The following CREB5 variants were observed in gnomAD, a reference collection of about 807,000 sequenced individuals.
CREB5 encodes the protein cyclic AMP-responsive element-binding protein 5.
A neutral mutation model predicts 57.1 loss-of-function variants in CREB5; 19 were observed. The observed-to-expected ratio is 0.33, with a 90% CI of 0.23 to 0.49. The LOEUF (loss-of-function observed/expected upper bound fraction) is 0.49, where lower values mean the gene tolerates loss of function less well. Among genes scored for constraint, CREB5 ranks in the 20% least tolerant of loss-of-function variants. CREB5 has a pLI of 0.99. For synonymous variants in CREB5, 238 were observed against 238.3 expected (o/e 1.00, Z 0.01); for missense variants, 579 against 671.6 (o/e 0.86, Z 1.52).
chr7:28,661,466 A>G (rs1016354467), intron 5 of CREB5, among the ~76,000 whole-genome samples: 3 of 128,714 alleles, frequency 2.3e-5, no homozygotes, highest in Non-Finnish European at 4.8e-5. Flanking sequence ...GGCTCTATGT[A>G]CATGTCAAGG....
rs1427365659 is a variant in CREB5, at chr7:28,823,099, G to A, written c.*3820G>A. The A allele has an allele frequency of 6.6e-6, 1 of 152,612 alleles. No homozygotes were observed. Among genetic ancestry groups the A allele is most frequent in the Admixed American group, 6.5e-5 (1 of 15,276 alleles). 9.5% of individuals were successfully genotyped at this position (152,612 alleles called of 1,614,324 possible). A position where few individuals can be genotyped will look rare whatever the true frequency, so the allele number is the denominator to read the frequency against. Reference sequence around the variant, plus strand: ...TTAAGTAAACTTTAGTGTGTAAGTTGAGTTTGTCATTAAAATCATAAACCA... The same window carrying A: ...TTAAGTAAACTTTAGTGTGTAAGTTAAGTTTGTCATTAAAATCATAAACCA... On this transcript the variant is annotated 3_prime_UTR_variant, in exon 11 of 11. Coordinates refer to ENST00000357727, the MANE Select transcript of CREB5 (RefSeq NM_182898.4).
intron 1 of CREB5, among the ~76,000 whole-genome samples, chr7:28,375,662 G>T (rs968936480): frequency 2.6e-5 from 4 of 151,476 alleles, no homozygotes; most frequent in African/African-American, 9.7e-5. Context: ...GAGATGGGTT[G>T]TCCGTGCAGC....
chr7:28,804,687 A>T (rs1351739119), intron 8 of CREB5, among the ~76,000 whole-genome samples, 165 bp downstream of exon 8: 3 of 152,102 alleles, frequency 2.0e-5, no homozygotes, highest in African/African-American at 4.8e-5. Flanking sequence ...TACCCATAAG[A>T]CCCTACCAGA....
At chr7:28,331,444 A>T (rs889147280) in intron 1 of CREB5, among the ~76,000 whole-genome samples, 4 of 152,070 alleles carry the variant, frequency 2.6e-5, no homozygotes, top group East Asian at 1.9e-4. Context: ...TTTGCCCCTC[A>T]TGAACCAATT....
intron 7 of CREB5, among the ~76,000 whole-genome samples, chr7:28,757,608 G>A (rs893300658): frequency 2.0e-5 from 3 of 151,804 alleles, no homozygotes; most frequent in Middle Eastern, 3.4e-3. Context: ...AGGAGCCAGA[G>A]CTTGCAGTGA....
chr7:28,321,454 A>G (rs1169113913), intron 1 of CREB5, among the ~76,000 whole-genome samples: 8 of 152,106 alleles, frequency 5.3e-5, no homozygotes, highest in Non-Finnish European at 1.2e-4. Context: ...AATCTATCAC[A>G]GGGTTCTTTG....
chr7:28,708,005 A>G (rs1301950957), intron 5 of CREB5, among the ~76,000 whole-genome samples: 2 of 150,946 alleles, frequency 1.3e-5, no homozygotes, highest in Non-Finnish European at 3.0e-5. Context: ...AATTCTCCAC[A>G]CCTCCCCCTT....
intron 1 of CREB5, among the ~76,000 whole-genome samples, chr7:28,309,962 G>C (rs1320692831): frequency 9.8e-6 from 1 of 102,136 alleles, no homozygotes. Flanking sequence ...AGGGCTAAGT[G>C]GGGGGTCCAG....
chr7:28,496,313 G>A (rs184583858), intron 3 of CREB5, among the ~76,000 whole-genome samples: 1 of 152,242 alleles, frequency 6.6e-6, no homozygotes, highest in East Asian at 1.9e-4. Flanking sequence ...GCCAGGCCTG[G>A]CTCATGTAAT....
intron 1 of CREB5, among the ~76,000 whole-genome samples, chr7:28,371,166 G>A (rs986749302): frequency 6.6e-6 from 1 of 152,096 alleles, no homozygotes; most frequent in African/African-American, 2.4e-5. Flanking sequence ...AAAGAGACCG[G>A]GCAGCAGCAG....
upstream of CREB5, among the ~76,000 whole-genome samples, chr7:28,410,981 T>C (rs1273257472): frequency 1.3e-5 from 2 of 151,962 alleles, no homozygotes; most frequent in Non-Finnish European, 2.9e-5. Context: ...CGCCCCCGCC[T>C]TTTTACAGCT....
Position 28,601,169 on chromosome 7 carries a change from A to AT in CREB5, c.464+30643dup, listed in dbSNP as rs577879373. 8.2e-3 allele frequency among the ~76,000 whole-genome samples: 1,189 copies of AT among 144,864 alleles called. 13 individuals are homozygous for AT. The highest frequency in any genetic ancestry group is 0.032 in the Middle Eastern group (9 of 284). Reference sequence around the variant, plus strand: ...TTCCTTCATTTCCCTTATTATTATTATTTTTTTTTTTGGAAAGGGGGGCTC... The same window carrying AT: ...TTCCTTCATTTCCCTTATTATTATTATTTTTTTTTTTTGGAAAGGGGGGCTC... On this transcript the variant is annotated intron_variant, in intron 5 of 10. Transcript: ENST00000357727.
intron 5 of CREB5, among the ~76,000 whole-genome samples, chr7:28,623,694 CGTGGCTTAATGATAA>C (rs545413689): frequency 2.4e-3 from 365 of 152,184 alleles, no homozygotes; most frequent in African/African-American, 8.2e-3. Flanking sequence ...TTCCCCTGCC[CGTGGCTTAATGATAA>C]GTCTCTTCAT....
chr7:28,466,210 TAAA>T (rs5883134), intron 1 of CREB5, among the ~76,000 whole-genome samples: 27 of 94,730 alleles, frequency 2.9e-4, no homozygotes, highest in East Asian at 7.4e-4. Context: ...TGACTGGAGT[TAAA>T]AAAAAAAAAA....
At chr7:28,535,688 G>A (rs1793937454) in intron 4 of CREB5, among the ~76,000 whole-genome samples, 1 of 151,574 alleles carries the variant, frequency 6.6e-6, no homozygotes, top group Non-Finnish European at 1.5e-5. Flanking sequence ...AAGGAAGGAA[G>A]GAAAAAGGAA....
chr7:28,603,408 C>A (rs977181393), intron 5 of CREB5, among the ~76,000 whole-genome samples: 2 of 152,156 alleles, frequency 1.3e-5, no homozygotes, highest in Non-Finnish European at 2.9e-5. Flanking sequence ...TTTGTTGAGG[C>A]CTTTTGATCA....
At position 28,598,653 on chromosome 7, in the gene CREB5, A is replaced by G. The variant is rs117027075; in HGVS notation, c.464+28116A>G. The stretch of plus-strand genomic sequence containing the variant: ...CCCAACCTAGAACTAGTGACTGAAC[A>G]TCTTGTGTGCCAAACTCCATCTTTG... On this transcript the variant is annotated intron_variant, in intron 5 of 10. Coordinates refer to ENST00000357727, the MANE Select transcript of CREB5 (RefSeq NM_182898.4). Among the ~76,000 whole-genome samples the G allele has an allele frequency of 2.7e-3, 408 of 152,276 alleles. 2 individuals carry two copies. Among genetic ancestry groups the G allele is most frequent in the Non-Finnish European group, 4.6e-3 (314 of 68,022 alleles).
chr7:28,610,309 G>A (rs1193531892), intron 5 of CREB5, among the ~76,000 whole-genome samples: 3 of 152,070 alleles, frequency 2.0e-5, no homozygotes, highest in Non-Finnish European at 4.4e-5. Flanking sequence ...CTGAGCTTTG[G>A]GTTTTTACAG....
chr7:28,786,188 G>C (rs1201617202), intron 7 of CREB5, among the ~76,000 whole-genome samples: 2 of 152,114 alleles, frequency 1.3e-5, no homozygotes, highest in South Asian at 2.1e-4. Flanking sequence ...AAAACTTAAA[G>C]TTGGCTTTGA....
Sources: allele counts gnomAD v4.1 joint callset (sites outside exome capture counted in the v4.1 genomes callset), GRCh38; gene constraint gnomAD v4.1.1; transcripts MANE v1.5; gene names NCBI Gene and HGNC (gene_info 2026-07-23, HGNC 2026-07-21).